The following PCDHA6 variants were observed in gnomAD, a reference collection of about 807,000 sequenced individuals.
PCDHA6 encodes the protein protocadherin alpha-6.
PCDHA6 carries 55 observed loss-of-function variants against 60.3 expected under a neutral mutation model. The ratio of observed to expected loss-of-function variants is 0.91; its 90% CI spans 0.73 to 1.14. PCDHA6 has a LOEUF of 1.14. Among genes scored for constraint, PCDHA6 ranks in the 50% most tolerant of loss-of-function variants. The pLI, the probability that PCDHA6 is intolerant of heterozygous loss-of-function variation, is 0.00. For missense variants in PCDHA6, 1,327 were observed against 1,256.5 expected (o/e 1.06, Z -0.85); for synonymous variants, 652 against 557.9 (o/e 1.17, Z -2.38).
At chr5:141,000,347 C>T (rs1587871994) in intron 3 of PCDHA6, among the ~76,000 whole-genome samples, 1 of 114,796 alleles carries the variant, frequency 8.7e-6, no homozygotes, top group Non-Finnish European at 1.8e-5. Flanking sequence ...CTATCTCTCT[C>T]TCTGTCTCTC....
intron 1 of PCDHA6, chr5:140,929,117 T>C (rs1554206704): frequency 1.9e-6 from 3 of 1,614,160 alleles, no homozygotes; most frequent in African/African-American, 2.7e-5. Context: ...TCAGCCACCA[T>C]AGATGTCACT....
intron 3 of PCDHA6, among the ~76,000 whole-genome samples, chr5:140,997,092 A>C (rs2097758868): frequency 6.6e-6 from 1 of 152,160 alleles, no homozygotes; most frequent in South Asian, 2.1e-4. Flanking sequence ...GAAAGTGCAG[A>C]GTTCTCATGC....
At chr5:140,850,617 T>A in intron 1 of PCDHA6, 3 of 1,598,492 alleles carry the variant, frequency 1.9e-6, no homozygotes, top group African/African-American at 2.7e-5. Context: ...CTGCGCGGTG[T>A]CTAGCCTGTT....
At chr5:140,857,661 A>ACTC (rs1554150470) in intron 1 of PCDHA6, 1 of 1,596,582 alleles carries the variant, frequency 6.3e-7, no homozygotes. Flanking sequence ...AGCGCGCGCG[A>ACTC]TGGGGGCGTG....
intron 1 of PCDHA6, among the ~76,000 whole-genome samples, chr5:140,839,395 GATT>G (rs2150297688): frequency 0.016 from 1,606 of 98,892 alleles, 28 homozygotes; most frequent in Non-Finnish European, 0.019. Context: ...TGATGATGAT[GATT>G]ATTATTTTTG....
At chr5:141,004,497 T>C (rs2098168493) in intron 3 of PCDHA6, among the ~76,000 whole-genome samples, 1 of 152,218 alleles carries the variant, frequency 6.6e-6, no homozygotes, top group South Asian at 2.1e-4. Context: ...TTGGCAGTCC[T>C]GCTGTGAGGG....
intron 1 of PCDHA6, among the ~76,000 whole-genome samples, chr5:140,898,068 C>A (rs1420706890): frequency 8.5e-5 from 13 of 152,050 alleles, no homozygotes; most frequent in African/African-American, 2.7e-4. Context: ...TGTTTGAGTT[C>A]ATTGTAGATT....
In PCDHA6 at chr5:140,834,300, C is replaced by A. The variant is rs111598234; in HGVS notation, c.2394+3815C>A. 3,027 of 1,283,790 alleles carry A rather than the reference C, an allele frequency of 2.4e-3. 46 individuals carry two copies. The African/African-American group carries it at 0.039, about 17-fold the overall frequency. 79.5% of individuals were successfully genotyped at this position (1,283,790 alleles called of 1,614,324 possible). On this transcript the variant is annotated intron_variant, in intron 1 of 3. Transcript: ENST00000529310. ...TGGATGCACAACAATGGCCACACATCGAGATTGAAATGAAGGGATAAAAAC... is the reference window on the plus strand; with the variant it reads ...TGGATGCACAACAATGGCCACACATAGAGATTGAAATGAAGGGATAAAAAC...
Position 140,982,485 on chromosome 5 carries a change from C to T in PCDHA6, c.2464C>T (p.Leu822=). 1 of 1,614,100 alleles carries T rather than the reference C, an allele frequency of 6.2e-7. No homozygotes were observed. The highest frequency in any genetic ancestry group is 8.5e-7 in the Non-Finnish European group (1 of 1,180,004). The part of the protein sequence containing the change: ...LRAGMHSSVH[L]EEAGILRAGP... ...TGTGTGTTTATTCAGCTCTGTGCAC[C>T]TAGAGGAGGCTGGCATTCTACGGGC... The change falls in exon 3 of 4, where the codon CTA becomes TTA. Residue 822 remains leucine (L), a synonymous_variant. Coordinates refer to ENST00000529310, the MANE Select transcript of PCDHA6 (RefSeq NM_018909.4).
chr5:140,877,015 G>T lies in PCDHA6; in HGVS notation c.2394+46530G>T, dbSNP rs371309003. The T allele has an allele frequency of 1.6e-5, 26 of 1,612,358 alleles. No individual in the cohort carries two copies. Among genetic ancestry groups the T allele is most frequent in the African/African-American group, 4.0e-5 (3 of 74,900 alleles). On this transcript the variant is annotated intron_variant, in intron 1 of 3. Transcript: ENST00000529310. The stretch of plus-strand genomic sequence containing the variant: ...CTACGTGTCGGTGCACGCGGAGAGC[G>T]GCAAGGTGTACGCGCTGCAGCCGCT...
chr5:141,002,806 G>T (rs1341419225), intron 3 of PCDHA6, among the ~76,000 whole-genome samples: 1 of 152,162 alleles, frequency 6.6e-6, no homozygotes, highest in Non-Finnish European at 1.5e-5. Context: ...GGAAACTGAG[G>T]CTCAGAGATA....
Position 140,849,870 on chromosome 5 carries a change from G to A in PCDHA6, c.2394+19385G>A, listed in dbSNP as rs2150455328. 1.3e-5 allele frequency: 21 copies of A among 1,598,494 alleles called. 3 individuals are homozygous for A. The highest frequency in any genetic ancestry group is 5.1e-5 in the Admixed American group (3 of 59,300). The stretch of plus-strand genomic sequence containing the variant: ...CAACGCACCAGCGTTCGCGCAGTCC[G>A]AGTACACGGTGTTCGTGAAGGAGAA... On this transcript the variant is annotated intron_variant, in intron 1 of 3. Transcript: ENST00000529310.
intron 1 of PCDHA6, chr5:140,967,795 G>A (rs1399903836): frequency 3.1e-6 from 5 of 1,614,068 alleles, no homozygotes; most frequent in Non-Finnish European, 1.7e-6. Context: ...GGGGTCCAGT[G>A]CCCATGGCAG....
chr5:140,868,747 T>C, intron 1 of PCDHA6: 1 of 213,646 alleles, frequency 4.7e-6, no homozygotes, highest in South Asian at 1.1e-4. Context: ...TACAATGCCA[T>C]TTCCATATAT....
At chr5:140,990,341 C>A (rs2097389083) in intron 3 of PCDHA6, among the ~76,000 whole-genome samples, 1 of 152,110 alleles carries the variant, frequency 6.6e-6, no homozygotes, top group South Asian at 2.1e-4. Flanking sequence ...ATAAGTAAAG[C>A]CTGCCCTGTA....
Position 140,890,802 on chromosome 5 carries a change from A to G in PCDHA6, c.2394+60317A>G, listed in dbSNP as rs1401387956. On this transcript the variant is annotated intron_variant, in intron 1 of 3. Transcript: ENST00000529310. The stretch of plus-strand genomic sequence containing the variant: ...TAAGATATTAGTATTATTTTATACA[A>G]TCAACATTGTTTTAAATGTACTTAC... 5.3e-5 allele frequency among the ~76,000 whole-genome samples: 8 copies of G among 152,310 alleles called. 1 individual carries two copies. Among genetic ancestry groups the G allele is most frequent in the Admixed American group, 4.6e-4 (7 of 15,296 alleles).
intron 1 of PCDHA6, among the ~76,000 whole-genome samples, chr5:140,976,855 G>A (rs946538789): frequency 9.9e-5 from 15 of 152,142 alleles, no homozygotes; most frequent in Non-Finnish European, 1.5e-4. Flanking sequence ...CTTTCATAGA[G>A]TTTACTGTCT....
At chr5:140,871,043 T>A (rs763700203) in intron 1 of PCDHA6, 1 of 1,613,370 alleles carries the variant, frequency 6.2e-7, no homozygotes, top group Non-Finnish European at 8.5e-7. Context: ...CACCGACTTC[T>A]AGTACTGGTG....
chr5:140,917,396 G>C (rs928504202), intron 1 of PCDHA6, among the ~76,000 whole-genome samples: 2 of 151,286 alleles, frequency 1.3e-5, no homozygotes, highest in East Asian at 3.9e-4. Flanking sequence ...ATGTGCAGAA[G>C]CTCTTTAGTT....
Sources: allele counts gnomAD v4.1 joint callset (sites outside exome capture counted in the v4.1 genomes callset), GRCh38; gene constraint gnomAD v4.1.1; transcripts MANE v1.5; gene names NCBI Gene and HGNC (gene_info 2026-07-23, HGNC 2026-07-21).